Variants in SACS observed in about 807,000 individuals in gnomAD.
SACS encodes the protein sacsin molecular chaperone.
A neutral mutation model predicts 348.0 loss-of-function variants in SACS; 197 were observed. The ratio of observed to expected loss-of-function variants is 0.57; its 90% CI spans 0.50 to 0.64. The LOEUF is 0.64. SACS is among the 30% of genes least tolerant of loss of function. The pLI is 0.00. For synonymous variants in SACS, 1,985 were observed against 1,910.6 expected, an observed-to-expected ratio of 1.04 and a Z score of -1.02; for missense variants, 4,999 against 5,360.8, an observed-to-expected ratio of 0.93 and a Z score of 2.11.
intron 2 of SACS, among the ~76,000 whole-genome samples, chr13:23,389,160 A>G (rs1412567329): frequency 7.3e-5 from 11 of 151,510 alleles, no homozygotes; most frequent in Admixed American, 5.9e-4. Flanking sequence ...GCTAAAACAT[A>G]TATGTGTGTG....
intron 4 of SACS, among the ~76,000 whole-genome samples, chr13:23,369,340 A>T (rs1302488566): frequency 2.0e-5 from 3 of 152,208 alleles, no homozygotes; most frequent in African/African-American, 7.2e-5. Flanking sequence ...CCTTCAGACA[A>T]GTGACAGGGC....
chr13:23,377,934 C>A (rs1331430124), intron 2 of SACS, among the ~76,000 whole-genome samples: 1 of 152,168 alleles, frequency 6.6e-6, no homozygotes, highest in Non-Finnish European at 1.5e-5. Flanking sequence ...ATTGGACAGG[C>A]CAGATTCAAT....
chr13:23,400,990 TA>T (rs34014602), intron 2 of SACS, among the ~76,000 whole-genome samples: 3 of 151,968 alleles, frequency 2.0e-5, no homozygotes, highest in African/African-American at 7.3e-5. Context: ...GCGTATCAAA[TA>T]AAAAAGATAC....
Position 23,330,247 on chromosome 13 carries a change from G to A in SACS, c.13629C>T (p.Pro4543=). 2 of 1,614,152 alleles carry A rather than the reference G, an allele frequency of 1.2e-6. No homozygotes were observed. The highest frequency in any genetic ancestry group is 1.7e-6 in the Non-Finnish European group (2 of 1,180,008). Residue 4543 remains proline (P), a synonymous_variant, in exon 10 of 10, where the codon CCC becomes CCT. Transcript: ENST00000382292. ...ACCTGTCATTTGGGATCTGAGGAAA[G>A]GGAAGCAAATCAGGGTATCTTGTTT... ...SLKTRYPDLL[P]FPQIPNDRFT... is the part of the protein sequence containing the mutation.
intron 1 of SACS, among the ~76,000 whole-genome samples, chr13:23,421,308 G>A (rs1287696688): frequency 1.3e-5 from 2 of 151,938 alleles, no homozygotes; most frequent in Non-Finnish European, 2.9e-5. Context: ...TCTGGTCTAG[G>A]TATACCCCTG....
intron 1 of SACS, among the ~76,000 whole-genome samples, chr13:23,433,098 A>G (rs1566118088): frequency 6.6e-6 from 1 of 152,218 alleles, no homozygotes; most frequent in Non-Finnish European, 1.5e-5. Context: ...ACCATAACAT[A>G]TGGCATTGTT....
intron 2 of SACS, among the ~76,000 whole-genome samples, chr13:23,377,941 C>T (rs1271143422): frequency 6.6e-6 from 1 of 152,216 alleles, no homozygotes; most frequent in Non-Finnish European, 1.5e-5. Context: ...AGGCCAGATT[C>T]AATTACCATG....
chr13:23,366,396 G>C (rs780467621), intron 5 of SACS, among the ~76,000 whole-genome samples: 1 of 151,914 alleles, frequency 6.6e-6, no homozygotes, highest in African/African-American at 2.4e-5. Context: ...GCCTCCTGCA[G>C]CCTCATTATC....
At position 23,336,791 on chromosome 13, in the gene SACS, T is replaced by G; in HGVS notation, c.7085A>C (p.His2362Pro). The G allele has an allele frequency of 6.2e-7, 1 of 1,613,902 alleles. No individual in the cohort carries two copies. Among genetic ancestry groups the G allele is most frequent in the Non-Finnish European group, 8.5e-7 (1 of 1,179,850 alleles). ...GTATGGTGCCGCCTCAAAATTTAAATGAAAAGAAACCTTTTCTGAGTCAAC... is the reference window on the plus strand; with the variant it reads ...GTATGGTGCCGCCTCAAAATTTAAAGGAAAAGAAACCTTTTCTGAGTCAAC... ...AYVDSEKVSFHLNFEAAPYLY... is the reference protein window; with the variant it reads ...AYVDSEKVSFPLNFEAAPYLY... The change falls in exon 10 of 10, where the codon CAT (histidine) becomes CCT (proline). Residue 2362 changes from histidine to proline, a missense_variant. His to Pro is a moderately conservative substitution (Grantham distance 77, BLOSUM62 -2). Transcript: ENST00000382292.
intron 2 of SACS, among the ~76,000 whole-genome samples, chr13:23,391,783 G>C (rs1872534522): frequency 7.1e-6 from 1 of 141,046 alleles, no homozygotes; most frequent in African/African-American, 2.6e-5. Context: ...ATTCCATCCA[G>C]GAGGGAGAAA....
In SACS at chr13:23,354,777, A is replaced by G; in HGVS notation, c.1835T>C (p.Val612Ala). The change falls in exon 8 of 10, where the codon GTT becomes GCT. Residue 612 changes from valine to alanine, a missense_variant. By Grantham distance (64) the Val-to-Ala change is moderately conservative. Transcript: ENST00000382292. ...TGTGCCAGAGGCAGCTGTGAGCTGA[A>G]CAGCAGCATCCACATTCCCTGGTAC... ...AKVPGNVDAA[V>A]QLTAASGTTP... 2 of 1,614,186 alleles carry G rather than the reference A, an allele frequency of 1.2e-6. No individual in the cohort carries two copies. The highest frequency in any genetic ancestry group is 1.7e-6 in the Non-Finnish European group (2 of 1,180,020).
chr13:23,425,773 G>A lies in SACS; in HGVS notation c.-502+7842C>T, dbSNP rs562698746. ...AGGTGGGTGCTGGACTTGGGGCCCC[G>A]AAGCTCCACCCCGCCTGACTCCCTG... On this transcript the variant is annotated intron_variant, in intron 1 of 9. Transcript: ENST00000382292. 3.9e-5 allele frequency among the ~76,000 whole-genome samples: 6 copies of A among 152,034 alleles called. No homozygotes were observed. The South Asian group carries it at 6.2e-4, about 16-fold the overall frequency.
Position 23,340,321 on chromosome 13 carries a change from A to G in SACS, c.3555T>C (p.Asp1185=). ...GDLCNLCAPP[D]MCDVGHAILI... The stretch of plus-strand genomic sequence containing the variant: ...GAATTGCATGGCCTACATCACACAT[A>G]TCTGGTGGTGCACAGAGATTACAGA... Residue 1185 remains aspartate (D), a synonymous_variant, in exon 10 of 10, where the codon GAT becomes GAC. Transcript: ENST00000382292. 1 of 1,614,066 alleles carries G rather than the reference A, an allele frequency of 6.2e-7. No homozygotes were observed.
At position 23,355,332 on chromosome 13, in the gene SACS, G is replaced by A. The variant is rs1593145091; in HGVS notation, c.1280C>T (p.Ser427Leu). The A allele has an allele frequency of 4.3e-6, 7 of 1,614,100 alleles. No individual in the cohort carries two copies. The highest frequency in any genetic ancestry group is 5.9e-6 in the Non-Finnish European group (7 of 1,180,040). ...TCCTTTTGCTTCATCATCTCTGCTT[G>A]ATAAAGGCATGGCTATTCCAATGAT... The part of the protein sequence containing the change: ...VPIIGIAMPL[S>L]SRDDEAKGAT... Residue 427 changes from serine (S) to leucine (L), a missense_variant, in exon 8 of 10, where the codon TCA becomes TTA. Coordinates refer to ENST00000382292, the MANE Select transcript of SACS (RefSeq NM_014363.6).
In SACS at chr13:23,355,485, T is replaced by C. The variant is rs989456028; in HGVS notation, c.1127A>G (p.Asn376Ser). The stretch of plus-strand genomic sequence containing the variant: ...AGTACTCTCCTCTTCTAAAACAATA[T>C]TTACGTGATATGTTACACAGGTGAT... ...NNITCVTYHV[N>S]IVLEEESTKD... The change falls in exon 8 of 10, where the codon AAT becomes AGT. Residue 376 changes from asparagine to serine, a missense_variant. Physicochemically the swap from Asn to Ser is conservative, Grantham distance 46. Coordinates refer to ENST00000382292, the MANE Select transcript of SACS (RefSeq NM_014363.6). 14 of 1,614,116 alleles carry C rather than the reference T, an allele frequency of 8.7e-6. No individual in the cohort carries two copies. The highest frequency in any genetic ancestry group is 1.2e-5 in the Non-Finnish European group (14 of 1,179,986).
chr13:23,358,585 A>G (rs1187272036), intron 6 of SACS, 104 bp from the exon 7 acceptor site: 1 of 1,243,170 alleles, frequency 8.0e-7, no homozygotes, highest in Non-Finnish European at 1.2e-6. Context: ...AAGGGAAAAT[A>G]GAGAGGAGTG....
At chr13:23,403,177 T>TAAAAAAAAA (rs879882036) in intron 2 of SACS, among the ~76,000 whole-genome samples, 1 of 139,268 alleles carries the variant, frequency 7.2e-6, no homozygotes. Context: ...GACTCCACCT[T>TAAAAAAAAA]AAAAAAAAAA....
At chr13:23,360,900 G>A (rs1370727022) in intron 6 of SACS, among the ~76,000 whole-genome samples, 1 of 151,856 alleles carries the variant, frequency 6.6e-6, no homozygotes, top group South Asian at 2.1e-4. Context: ...GACCACAATC[G>A]CACACCACCA....
intron 1 of SACS, among the ~76,000 whole-genome samples, chr13:23,420,479 T>A (rs548485692): frequency 6.6e-6 from 1 of 152,062 alleles, no homozygotes; most frequent in East Asian, 1.9e-4. Flanking sequence ...TGTGGCCCAA[T>A]GTAAATCTGG....
Sources: gnomAD v4.1 joint callset for allele counts (sites outside exome capture counted in the v4.1 genomes callset) on GRCh38, gnomAD v4.1.1 for gene constraint, MANE v1.5 for transcripts, NCBI Gene and HGNC (gene_info 2026-07-23, HGNC 2026-07-21) for gene names.